RBM4B: variants seen among roughly 807,000 people sequenced by gnomAD.
The protein encoded by RBM4B is RNA-binding protein 4B.
RBM4B carries 13 observed loss-of-function variants against 28.5 expected under a neutral mutation model. The ratio of observed to expected loss-of-function variants is 0.46; its 90% CI spans 0.30 to 0.72. The LOEUF (loss-of-function observed/expected upper bound fraction) is 0.72, where lower values mean the gene tolerates loss of function less well. RBM4B is among the 30% of genes least tolerant of loss of function. The probability of loss-of-function intolerance (pLI) is 0.09; values close to 1 mark genes in which losing one functional copy is unlikely to be tolerated. For missense variants in RBM4B, 387 were observed against 477.6 expected, an observed-to-expected ratio of 0.81 and a Z score of 1.77; for synonymous variants, 167 against 179.1, an observed-to-expected ratio of 0.93 and a Z score of 0.54.
chr11:66,676,762 T>A lies in RBM4B; in HGVS notation c.318A>T (p.Glu106Asp). Residue 106 changes from glutamate to aspartate, a missense_variant, in exon 2 of 4, where the codon GAA becomes GAT. Coordinates refer to ENST00000310046, the MANE Select transcript of RBM4B (RefSeq NM_031492.4). ...AGGCATAATCTTTCACGATGTCACA[T>A]TCGATGACCGGACCATACTCCTCAA... Reference protein sequence around the residue: ...AKFEEYGPVIECDIVKDYAFV... With the variant: ...AKFEEYGPVIDCDIVKDYAFV... 1 of 1,614,184 alleles carries A rather than the reference T, an allele frequency of 6.2e-7. No homozygotes were observed. Among genetic ancestry groups the A allele is most frequent in the Non-Finnish European group, 8.5e-7 (1 of 1,180,032 alleles).
chr11:66,665,684 G>A (rs1207214044), intron 3 of RBM4B, 106 bp from the exon 4 acceptor site: 9 of 1,508,344 alleles, frequency 6.0e-6, no homozygotes, highest in African/African-American at 2.8e-5. Context: ...GGAAAAAAAA[G>A]AACAAAACAA....
chr11:66,676,567 A>G (rs1939642466), intron 2 of RBM4B, 101 bp downstream of exon 2: 3 of 1,333,124 alleles, frequency 2.3e-6, no homozygotes, highest in African/African-American at 2.9e-5. Flanking sequence ...CAGCTAAAAC[A>G]GAATGGAAGA....
At chr11:66,672,514 G>A (rs1371706409) in intron 2 of RBM4B, among the ~76,000 whole-genome samples, 1 of 150,758 alleles carries the variant, frequency 6.6e-6, no homozygotes, top group East Asian at 1.9e-4. Flanking sequence ...TTGGGGGGGG[G>A]GGACAGATTC....
At chr11:66,666,153 T>C in intron 3 of RBM4B, 3 of 753,132 alleles carry the variant, frequency 4.0e-6, no homozygotes, top group Non-Finnish European at 5.9e-6. Flanking sequence ...GTAGTTCCCC[T>C]AATTGACCAA....
chr11:66,668,530 G>C (rs1471265386), intron 3 of RBM4B, 85 bp downstream of exon 3: 2 of 1,069,028 alleles, frequency 1.9e-6, no homozygotes, highest in Middle Eastern at 3.1e-4. Context: ...GGAGAGCACA[G>C]GTGGCTCTAG....
chr11:66,665,870 G>C (rs1403604786), intron 3 of RBM4B: 2 of 1,533,390 alleles, frequency 1.3e-6, no homozygotes, highest in Non-Finnish European at 1.7e-6. Flanking sequence ...GATAACCCCT[G>C]TGACAGAAGG....
chr11:66,676,851 A>C lies in RBM4B; in HGVS notation c.229T>G (p.Ser77Ala), dbSNP rs147889015. Residue 77 changes from serine to alanine, a missense_variant, in exon 2 of 4, where the codon TCA becomes GCA. Around this residue, in one of 2 missense-constraint regions of RBM4B, gnomAD observed 161 missense variants for 256.9 expected, o/e 0.63. Coordinates refer to ENST00000310046, the MANE Select transcript of RBM4B (RefSeq NM_031492.4). ...VEASKNKSKA[S>A]TKLHVGNISP... ...ATGTTACCCACGTGTAACTTGGTTGAAGCTTTGCTCTTATTCTTGCTGGCT... is the reference window on the plus strand; with the variant it reads ...ATGTTACCCACGTGTAACTTGGTTGCAGCTTTGCTCTTATTCTTGCTGGCT... The C allele has an allele frequency of 6.2e-7, 1 of 1,614,162 alleles. No homozygotes were observed. Among genetic ancestry groups the C allele is most frequent in the Non-Finnish European group, 8.5e-7 (1 of 1,180,020 alleles).
intron 3 of RBM4B, 150 bp from the exon 4 acceptor site, chr11:66,665,728 T>G: frequency 7.4e-7 from 1 of 1,359,570 alleles, no homozygotes; most frequent in African/African-American, 1.5e-5. Flanking sequence ...TCATATCCCA[T>G]GTAATTACCT....
chr11:66,669,078 ATGGATT>A lies in RBM4B; in HGVS notation c.620_625del (p.Glu207_Met209delinsVal), dbSNP rs1565093224. On this transcript the variant is annotated inframe_deletion, in exon 3 of 4. Coordinates refer to ENST00000310046, the MANE Select transcript of RBM4B (RefSeq NM_031492.4). Reference sequence around the variant, plus strand: ...TGCTCCATATGCATCGTTGTAATACATGGATTCCCCGTAGCCCATGGTGTAAGGTGT... The same window carrying A: ...TGCTCCATATGCATCGTTGTAATACACCCCGTAGCCCATGGTGTAAGGTGT... 6.2e-7 allele frequency: 1 copy of A among 1,614,158 alleles called. No homozygotes were observed. The highest frequency in any genetic ancestry group is 2.2e-5 in the East Asian group (1 of 44,880).
intron 3 of RBM4B, chr11:66,666,251 G>A (rs934504633): frequency 2.8e-5 from 30 of 1,061,200 alleles, no homozygotes; most frequent in Non-Finnish European, 3.2e-5. Context: ...AATGGCTGGG[G>A]GAAAAAAAAA....
At chr11:66,677,230 A>C in intron 1 of RBM4B, 139 bp from the exon 2 acceptor site, 1 of 1,127,132 alleles carries the variant, frequency 8.9e-7, no homozygotes, top group Non-Finnish European at 1.2e-6. Context: ...TCCTCAATAG[A>C]AGAAGGGCGG....
chr11:66,672,644 C>T (rs968610243), intron 2 of RBM4B, among the ~76,000 whole-genome samples: 16 of 151,408 alleles, frequency 1.1e-4, no homozygotes, highest in Non-Finnish European at 2.4e-4. Context: ...TGCAGGCGCA[C>T]GCTACCACAC....
Position 66,669,061 on chromosome 11 carries a change from A to C in RBM4B, c.643T>G (p.Tyr215Asp), listed in dbSNP as rs372105336. The change falls in exon 3 of 4, where the codon TAT becomes GAT. Residue 215 changes from tyrosine to aspartate, a missense_variant. Physicochemically the swap from Tyr to Asp is radical, Grantham distance 160 (BLOSUM62 -3). This residue lies in a region of RBM4B where 226 missense variants were observed against 220.6 expected (regional missense o/e 1.02). Coordinates refer to ENST00000310046, the MANE Select transcript of RBM4B (RefSeq NM_031492.4). Reference sequence around the variant, plus strand: ...CGCTTATAGTAGTCGAGTGCTCCATATGCATCGTTGTAATACATGGATTCC... The same window carrying C: ...CGCTTATAGTAGTCGAGTGCTCCATCTGCATCGTTGTAATACATGGATTCC... ...YGESMYYNDA[Y>D]GALDYYKRYR... 1.2e-6 allele frequency: 2 copies of C among 1,614,122 alleles called. No individual in the cohort carries two copies. The highest frequency in any genetic ancestry group is 3.3e-5 in the Admixed American group (2 of 60,014).
At chr11:66,668,450 T>C (rs1939328324) in intron 3 of RBM4B, 165 bp downstream of exon 3, 1 of 587,408 alleles carries the variant, frequency 1.7e-6, no homozygotes, top group Admixed American at 3.0e-5. Flanking sequence ...ACAGGCCAAA[T>C]GGAACTTGTG....
chr11:66,668,346 C>A, intron 3 of RBM4B: 1 of 397,778 alleles, frequency 2.5e-6, no homozygotes, highest in Non-Finnish European at 4.5e-6. Context: ...CCCAAATATG[C>A]TTACAACTGA....
chr11:66,668,309 T>G (rs1252894549), intron 3 of RBM4B: 4 of 285,408 alleles, frequency 1.4e-5, no homozygotes, highest in Non-Finnish European at 2.0e-5. Flanking sequence ...ATAACAAATG[T>G]TAGATCTCTC....
At chr11:66,675,062 A>G (rs1397917800) in intron 2 of RBM4B, among the ~76,000 whole-genome samples, 2 of 152,244 alleles carry the variant, frequency 1.3e-5, no homozygotes, top group East Asian at 3.8e-4. Context: ...TACTTTTAAA[A>G]GCTGAAAATG....
intron 3 of RBM4B, chr11:66,665,789 A>C: frequency 7.2e-7 from 1 of 1,395,008 alleles, no homozygotes; most frequent in Non-Finnish European, 9.7e-7. Flanking sequence ...CTATATATAT[A>C]GGACAAGATG....
intron 3 of RBM4B, chr11:66,665,892 G>A: frequency 6.5e-7 from 1 of 1,535,216 alleles, no homozygotes; most frequent in Non-Finnish European, 8.7e-7. Flanking sequence ...TACTGTTGCT[G>A]TAACAAAGGG....
Sources: gnomAD v4.1 joint callset for allele counts (sites outside exome capture counted in the v4.1 genomes callset) on GRCh38, gnomAD v4.1.1 for gene constraint, gnomAD v4.1.1 regional missense constraint, MANE v1.5 for transcripts, NCBI Gene and HGNC (gene_info 2026-07-23, HGNC 2026-07-21) for gene names.